Variants in KLHL1 observed in about 807,000 individuals in gnomAD.
KLHL1 encodes kelch like family member 1, also known as kelch-like protein 1.
A neutral mutation model predicts 77.7 loss-of-function variants in KLHL1; 47 were observed. That is an observed-to-expected ratio of 0.60 (90% CI 0.48 to 0.77). KLHL1 has a LOEUF of 0.77. KLHL1 is among the 30% of genes least tolerant of loss of function. KLHL1 has a pLI of 0.00. For missense variants in KLHL1, 925 were observed against 910.8 expected, an observed-to-expected ratio of 1.02 and a Z score of -0.20; for synonymous variants, 360 against 325.2, an observed-to-expected ratio of 1.11 and a Z score of -1.15.
chr13:69,779,080 A>C (rs1296695682), intron 7 of KLHL1, among the ~76,000 whole-genome samples: 1 of 151,990 alleles, frequency 6.6e-6, no homozygotes, highest in Non-Finnish European at 1.5e-5. Flanking sequence ...TTACAGGTCT[A>C]AGCCACCATG....
chr13:69,956,947 T>A (rs1156743840), intron 3 of KLHL1, among the ~76,000 whole-genome samples: 5 of 151,668 alleles, frequency 3.3e-5, no homozygotes, highest in African/African-American at 1.2e-4. Flanking sequence ...GTTCTAGACA[T>A]TGCTACTTCT....
At chr13:70,063,769 T>A (rs1886946329) in intron 1 of KLHL1, among the ~76,000 whole-genome samples, 1 of 152,118 alleles carries the variant, frequency 6.6e-6, no homozygotes, top group African/African-American at 2.4e-5. Context: ...GATAATACAT[T>A]GTTTACAAGC....
intron 7 of KLHL1, among the ~76,000 whole-genome samples, chr13:69,785,596 A>AG: frequency 1.6e-5 from 1 of 61,754 alleles, no homozygotes; most frequent in African/African-American, 7.4e-5. Context: ...CACAATTAAA[A>AG]ACTAGAAAAG....
intron 7 of KLHL1, among the ~76,000 whole-genome samples, chr13:69,789,033 ATCT>A (rs1195816738): frequency 8.2e-5 from 5 of 60,872 alleles, no homozygotes; most frequent in Non-Finnish European, 1.4e-4. Flanking sequence ...CTATCTATCT[ATCT>A]ATCTATCTAT....
chr13:69,875,675 T>C (rs539766167), intron 5 of KLHL1, among the ~76,000 whole-genome samples: 2 of 152,176 alleles, frequency 1.3e-5, no homozygotes, highest in South Asian at 4.1e-4. Context: ...CAAAACACTT[T>C]GTCTTTTCTT....
chr13:69,912,406 G>T (rs537210003), intron 4 of KLHL1, among the ~76,000 whole-genome samples: 1 of 152,104 alleles, frequency 6.6e-6, no homozygotes, highest in Non-Finnish European at 1.5e-5. Context: ...AAATTGTATT[G>T]TATGTGATGG....
intron 3 of KLHL1, among the ~76,000 whole-genome samples, chr13:69,956,353 TGA>T: frequency 6.6e-6 from 1 of 150,704 alleles, no homozygotes; most frequent in East Asian, 1.9e-4. Flanking sequence ...TAGTAAAACT[TGA>T]GAGTTGCTCA....
intron 4 of KLHL1, among the ~76,000 whole-genome samples, chr13:69,931,609 T>C (rs1410200480): frequency 6.6e-6 from 1 of 151,842 alleles, no homozygotes; most frequent in South Asian, 2.1e-4. Context: ...CTTAGTATTA[T>C]TTCTTCCTTT....
intron 1 of KLHL1, among the ~76,000 whole-genome samples, chr13:70,071,742 A>G (rs1226150327): frequency 2.0e-5 from 3 of 152,154 alleles, no homozygotes; most frequent in Non-Finnish European, 4.4e-5. Flanking sequence ...TAGATCAATA[A>G]GAAATTTTAA....
chr13:69,785,633 C>T (rs1437740342), intron 7 of KLHL1, among the ~76,000 whole-genome samples: 1 of 146,470 alleles, frequency 6.8e-6, no homozygotes, highest in Non-Finnish European at 1.5e-5. Context: ...CAAAAGCTAA[C>T]AGAAGGCAAG....
In KLHL1 at chr13:69,855,345, TAGACAGAC is replaced by T. The variant is rs1222247998; in HGVS notation, c.1228-16191_1228-16184del. Among the ~76,000 whole-genome samples, 280 of 72,354 alleles carry T rather than the reference TAGACAGAC, an allele frequency of 3.9e-3. 4 individuals carry two copies. Among genetic ancestry groups the T allele is most frequent in the South Asian group, 7.7e-3 (19 of 2,476 alleles). The allele number at this position is 72,354 out of a possible 152,430, so 47.5% of individuals were successfully genotyped here. On this transcript the variant is annotated intron_variant, in intron 5 of 10. Transcript: ENST00000377844. ...ATAGATAGATAGATAGATAGATAGA[TAGACAGAC>T]AGATAGATACATAGAGAGATAGATC...
intron 4 of KLHL1, among the ~76,000 whole-genome samples, chr13:69,923,024 G>A (rs1373427284): frequency 2.0e-5 from 3 of 152,008 alleles, no homozygotes; most frequent in African/African-American, 4.8e-5. Context: ...AAAGAATTAG[G>A]TGGGAGGAGA....
chr13:69,954,949 T>C (rs1407740973), intron 3 of KLHL1, among the ~76,000 whole-genome samples: 2 of 151,160 alleles, frequency 1.3e-5, no homozygotes, highest in African/African-American at 2.4e-5. Flanking sequence ...TTACTGAATA[T>C]ACAGGTTGTT....
chr13:69,884,416 T>C (rs1236577914), intron 4 of KLHL1, among the ~76,000 whole-genome samples: 1 of 132,810 alleles, frequency 7.5e-6, no homozygotes, highest in Non-Finnish European at 1.6e-5. Context: ...TGTTTTGCCA[T>C]CAGATTTTTC....
At chr13:69,736,676 T>TGAGA (rs531342499) in intron 8 of KLHL1, among the ~76,000 whole-genome samples, 3 of 131,402 alleles carry the variant, frequency 2.3e-5, no homozygotes, top group African/African-American at 8.4e-5. Flanking sequence ...AAAGAGATTG[T>TGAGA]GAGATATATA....
intron 3 of KLHL1, among the ~76,000 whole-genome samples, chr13:69,940,957 A>C (rs534431901): frequency 1.3e-5 from 2 of 151,956 alleles, no homozygotes; most frequent in Non-Finnish European, 2.9e-5. Context: ...TTAATTAGTA[A>C]TTCAATGAGT....
chr13:70,018,775 G>T (rs1376834240), intron 1 of KLHL1, among the ~76,000 whole-genome samples: 1 of 151,982 alleles, frequency 6.6e-6, no homozygotes, highest in Non-Finnish European at 1.5e-5. Context: ...ATAGTATACA[G>T]TTAGAAGTTG....
intron 6 of KLHL1, 65 bp from the exon 7 acceptor site, chr13:69,797,027 AG>A: frequency 7.4e-7 from 1 of 1,347,828 alleles, no homozygotes. Flanking sequence ...CTGCCAAAGC[AG>A]GGTACAAATT....
At chr13:70,066,682 C>T (rs1887013757) in intron 1 of KLHL1, among the ~76,000 whole-genome samples, 1 of 152,108 alleles carries the variant, frequency 6.6e-6, no homozygotes, top group Admixed American at 6.5e-5. Context: ...AGAAACTGGC[C>T]TTACCAACCC....
Sources: allele counts gnomAD v4.1 joint callset (sites outside exome capture counted in the v4.1 genomes callset), GRCh38; gene constraint gnomAD v4.1.1; transcripts MANE v1.5; gene names NCBI Gene and HGNC (gene_info 2026-07-23, HGNC 2026-07-21).